The following FRMD4A variants were observed in gnomAD, a reference collection of about 807,000 sequenced individuals.
FRMD4A encodes the protein FERM domain-containing protein 4A.
A neutral mutation model predicts 129.1 loss-of-function variants in FRMD4A; 29 were observed. The observed-to-expected ratio is 0.22, with a 90% CI of 0.17 to 0.31. The LOEUF is 0.31. FRMD4A is among the 10% of genes least tolerant of loss of function. The pLI, the probability that FRMD4A is intolerant of heterozygous loss-of-function variation, is 1.00. For synonymous variants in FRMD4A, 634 were observed against 571.6 expected (o/e 1.11, Z -1.56); for missense variants, 1,272 against 1,375.8 (o/e 0.92, Z 1.19).
intron 2 of FRMD4A, among the ~76,000 whole-genome samples, chr10:14,058,105 A>G (rs10906590): frequency 0.47 from 72,079 of 151,978 alleles, 17,675 homozygotes; most frequent in Middle Eastern, 0.56. Flanking sequence ...TCCTCCAATG[A>G]GTAGAACTGG....
intron 8 of FRMD4A, among the ~76,000 whole-genome samples, chr10:13,752,184 G>A (rs996140628): frequency 5.9e-5 from 9 of 152,194 alleles, no homozygotes; most frequent in Non-Finnish European, 8.8e-5. Context: ...TGGTATCAAT[G>A]CTGTATTGGT....
intron 5 of FRMD4A, among the ~76,000 whole-genome samples, chr10:13,784,523 C>T (rs2092808347): frequency 6.6e-6 from 1 of 152,118 alleles, no homozygotes; most frequent in African/African-American, 2.4e-5. Context: ...ATACAATCAC[C>T]TGAGGGGCAA....
Position 13,848,589 on chromosome 10 carries a change from GGTGTGAGTGTGTGTGTGTACGTGTGTGT to G in FRMD4A, c.111+10230_111+10257del, listed in dbSNP as rs1257645248. 2.6e-3 allele frequency among the ~76,000 whole-genome samples: 362 copies of G among 139,964 alleles called. 2 individuals are homozygous for G. Among genetic ancestry groups the G allele is most frequent in the African/African-American group, 9.2e-3 (353 of 38,234 alleles). The allele number at this position is 139,964 out of a possible 152,430, so 91.8% of individuals were successfully genotyped here. Reference sequence around the variant, plus strand: ...TTCTCCTCTCCTCAACCAGCACCTGGGTGTGAGTGTGTGTGTGTACGTGTGTGTGTGTGTGTGTGTGTGTGTGTGTAAA... The same window carrying G: ...TTCTCCTCTCCTCAACCAGCACCTGGGTGTGTGTGTGTGTGTGTGTGTAAA... On this transcript the variant is annotated intron_variant, in intron 3 of 24. Transcript: ENST00000357447.
chr10:13,861,884 A>G (rs1025270907), intron 2 of FRMD4A, among the ~76,000 whole-genome samples: 1 of 152,232 alleles, frequency 6.6e-6, no homozygotes, highest in Admixed American at 6.5e-5. Context: ...CTGCTGCTTT[A>G]CCAAAATGTA....
chr10:14,185,642 T>C (rs1842098044), intron 2 of FRMD4A, among the ~76,000 whole-genome samples: 1 of 152,208 alleles, frequency 6.6e-6, no homozygotes, highest in South Asian at 2.1e-4. Flanking sequence ...GTCAGAGAGC[T>C]GCAGGGGCGG....
intron 4 of FRMD4A, among the ~76,000 whole-genome samples, chr10:13,809,504 T>C (rs2093410643): frequency 8.1e-6 from 1 of 123,368 alleles, no homozygotes; most frequent in Non-Finnish European, 1.9e-5. Flanking sequence ...ACATGTGCAT[T>C]TGTTTAAAAG....
At chr10:13,795,915 G>A (rs182920096) in intron 5 of FRMD4A, among the ~76,000 whole-genome samples, 20 of 152,206 alleles carry the variant, frequency 1.3e-4, no homozygotes, top group African/African-American at 3.1e-4. Flanking sequence ...CCCACAAATC[G>A]TTCCCTTTGC....
At chr10:14,022,241 G>C (rs762638758) in intron 2 of FRMD4A, among the ~76,000 whole-genome samples, 3 of 152,258 alleles carry the variant, frequency 2.0e-5, no homozygotes, top group Non-Finnish European at 4.4e-5. Context: ...GCTTCGCAGA[G>C]GGGAGAGAAT....
intron 22 of FRMD4A, chr10:13,655,793 T>C (rs1036328201): frequency 6.6e-6 from 1 of 152,264 alleles, no homozygotes; most frequent in Non-Finnish European, 1.5e-5. Context: ...ATTCTTATGA[T>C]GTTTACCATT....
chr10:13,981,713 T>G (rs1433761486), intron 2 of FRMD4A, among the ~76,000 whole-genome samples: 1 of 132,122 alleles, frequency 7.6e-6, no homozygotes, highest in Non-Finnish European at 1.6e-5. Context: ...CACTCCAGCC[T>G]GGGCAACAGG....
intron 3 of FRMD4A, among the ~76,000 whole-genome samples, chr10:13,838,489 C>CCCCT (rs1202542340): frequency 2.9e-4 from 43 of 150,406 alleles, no homozygotes; most frequent in Middle Eastern, 3.6e-3. Context: ...TGTTTTCTTC[C>CCCCT]CCCTCCCTCC....
rs530278080 is a variant in FRMD4A at position 14,104,242 on chromosome 10, G to A, written c.45+225816C>T. 4.0e-5 allele frequency among the ~76,000 whole-genome samples: 6 copies of A among 151,646 alleles called. No homozygotes were observed. In the East Asian group the frequency reaches 5.8e-4, roughly 15 times the overall value. Reference sequence around the variant, plus strand: ...TGCCACTGAGGTCTACACTGCCATCGAGTTTACACTGCCATGGGGGTTACA... The same window carrying A: ...TGCCACTGAGGTCTACACTGCCATCAAGTTTACACTGCCATGGGGGTTACA... On this transcript the variant is annotated intron_variant, in intron 2 of 24. Transcript: ENST00000357447.
chr10:13,658,379 C>T (rs1403684281), intron 21 of FRMD4A, among the ~76,000 whole-genome samples: 1 of 152,168 alleles, frequency 6.6e-6, no homozygotes, highest in Admixed American at 6.5e-5. Flanking sequence ...TCATTCTGCT[C>T]GTTTGAGTCC....
chr10:13,912,144 A>C (rs556779475), intron 2 of FRMD4A, among the ~76,000 whole-genome samples: 1 of 152,310 alleles, frequency 6.6e-6, no homozygotes, highest in Middle Eastern at 3.4e-3. Context: ...TTGACAATGA[A>C]CCCTTTATAT....
intron 12 of FRMD4A, among the ~76,000 whole-genome samples, chr10:13,734,047 C>A (rs1412565178): frequency 6.6e-6 from 1 of 152,202 alleles, no homozygotes; most frequent in Non-Finnish European, 1.5e-5. Flanking sequence ...TCCTAAGCTG[C>A]ACTCATCCCT....
intron 2 of FRMD4A, among the ~76,000 whole-genome samples, chr10:14,120,654 C>A (rs542062396): frequency 5.3e-5 from 8 of 152,266 alleles, no homozygotes; most frequent in Admixed American, 2.6e-4. Context: ...TCCACCTTTC[C>A]TTGCAGTTAG....
chr10:13,767,332 G>A (rs61833461), intron 6 of FRMD4A, among the ~76,000 whole-genome samples: 4 of 152,050 alleles, frequency 2.6e-5, no homozygotes, highest in Non-Finnish European at 5.9e-5. Context: ...TCCGCCTTCT[G>A]GGTTCCAGCA....
At chr10:13,648,704 C>T (rs977614226) in intron 24 of FRMD4A, 4 of 152,308 alleles carry the variant, frequency 2.6e-5, no homozygotes, top group East Asian at 3.9e-4. Flanking sequence ...GGCTGGTACA[C>T]GCTTTTGTTT....
chr10:14,016,218 C>T lies in FRMD4A; in HGVS notation c.46-157306G>A, dbSNP rs1276906659. Among the ~76,000 whole-genome samples the T allele has an allele frequency of 5.9e-5, 9 of 151,844 alleles. No individual in the cohort carries two copies. The East Asian group carries it at 7.8e-4, about 13-fold the overall frequency. ...CAGCCTGTGCTGCATGGGAACTTCA[C>T]GTGCTAATTGGACATCCCAGAATCT... is the stretch of plus-strand genomic sequence containing the variant. On this transcript the variant is annotated intron_variant, in intron 2 of 24. Coordinates refer to ENST00000357447, the MANE Select transcript of FRMD4A (RefSeq NM_018027.5).
Sources: gnomAD v4.1 joint callset for allele counts (sites outside exome capture counted in the v4.1 genomes callset) on GRCh38, gnomAD v4.1.1 for gene constraint, MANE v1.5 for transcripts, NCBI Gene and HGNC (gene_info 2026-07-23, HGNC 2026-07-21) for gene names.